Variants in MYH10 observed in about 807,000 individuals in gnomAD.
The protein encoded by MYH10 is myosin heavy chain 10.
MYH10 carries 55 observed loss-of-function variants against 257.8 expected under a neutral mutation model. The observed-to-expected ratio is 0.21, with a 90% CI of 0.17 to 0.27. MYH10 has a LOEUF of 0.27. MYH10 is among the 10% of genes least tolerant of loss of function. MYH10 has a pLI of 1.00. For missense variants in MYH10, 1,631 were observed against 2,500.6 expected (o/e 0.65, Z 7.42); for synonymous variants, 854 against 921.7 (o/e 0.93, Z 1.33).
At chr17:8,596,233 A>G (rs1009274579) in intron 3 of MYH10, among the ~76,000 whole-genome samples, 3 of 150,146 alleles carry the variant, frequency 2.0e-5, no homozygotes, top group African/African-American at 7.4e-5. Flanking sequence ...GCTCACTGAA[A>G]TCTCCGCCTC....
chr17:8,510,338 A>T (rs1257714970), intron 24 of MYH10, among the ~76,000 whole-genome samples: 3 of 152,148 alleles, frequency 2.0e-5, no homozygotes, highest in Non-Finnish European at 4.4e-5. Flanking sequence ...AAGGATATTT[A>T]AAAAAATATG....
chr17:8,508,777 G>T, intron 25 of MYH10, 100 bp from the exon 26 acceptor site: 1 of 1,427,136 alleles, frequency 7.0e-7, no homozygotes, highest in Non-Finnish European at 9.6e-7. Context: ...GAGAAAATAA[G>T]TTCTATCGGC....
chr17:8,498,085 C>T (rs909580697), intron 30 of MYH10, among the ~76,000 whole-genome samples: 30 of 142,216 alleles, frequency 2.1e-4, no homozygotes, highest in Admixed American at 6.1e-4. Flanking sequence ...TGGATTCAAG[C>T]GATTCTCCTG....
intron 26 of MYH10, among the ~76,000 whole-genome samples, chr17:8,507,248 T>C (rs1056659443): frequency 6.6e-6 from 1 of 152,248 alleles, no homozygotes; most frequent in Non-Finnish European, 1.5e-5. Context: ...CTCTTTTGTT[T>C]ATACTAAAAC....
In MYH10 at chr17:8,614,307, C is replaced by CTTTTTTTTT. The variant is rs35801623; in HGVS notation, c.345+8586_345+8594dup. Among the ~76,000 whole-genome samples the CTTTTTTTTT allele has an allele frequency of 2.7e-3, 207 of 77,130 alleles. 27 individuals are homozygous for CTTTTTTTTT. Among genetic ancestry groups the CTTTTTTTTT allele is most frequent in the Non-Finnish European group, 4.2e-3 (170 of 40,676 alleles). 50.6% of individuals were successfully genotyped at this position (77,130 alleles called of 152,430 possible). On this transcript the variant is annotated intron_variant, in intron 2 of 42. Coordinates refer to ENST00000360416, the MANE Select transcript of MYH10 (RefSeq NM_001256012.3). ...GATTTAGAAAGTAAGCAATTCACTT[C>CTTTTTTTTT]TTTTTTTTTTTTTTTTTTTTTTTTT...
intron 2 of MYH10, among the ~76,000 whole-genome samples, chr17:8,619,519 A>T (rs1236747902): frequency 6.6e-6 from 1 of 152,220 alleles, no homozygotes; most frequent in African/African-American, 2.4e-5. Flanking sequence ...ACTGAGTTAC[A>T]TCAACGTAAA....
intron 11 of MYH10, among the ~76,000 whole-genome samples, 169 bp from the exon 12 acceptor site, chr17:8,546,831 T>C (rs7223040): frequency 0.96 from 146,829 of 152,304 alleles, 71,016 homozygotes; most frequent in East Asian, 1. Context: ...CCTTCCATCT[T>C]TTCAAATTAA....
chr17:8,486,798 A>G (rs999975369), intron 36 of MYH10, among the ~76,000 whole-genome samples: 1 of 152,186 alleles, frequency 6.6e-6, no homozygotes, highest in Non-Finnish European at 1.5e-5. Flanking sequence ...TTAGCAGTCC[A>G]TTGACATTTA....
At chr17:8,555,041 T>G (rs1331036041) in intron 7 of MYH10, among the ~76,000 whole-genome samples, 1 of 150,684 alleles carries the variant, frequency 6.6e-6, no homozygotes, top group Non-Finnish European at 1.5e-5. Flanking sequence ...GAGGCGGAGG[T>G]TGCAGTGAGC....
At chr17:8,585,982 C>G (rs1015798018) in intron 4 of MYH10, among the ~76,000 whole-genome samples, 2 of 152,168 alleles carry the variant, frequency 1.3e-5, no homozygotes, top group South Asian at 4.1e-4. Context: ...ATGAAAATCA[C>G]TTTAAACTGA....
chr17:8,605,920 T>A (rs1208499621), intron 2 of MYH10, among the ~76,000 whole-genome samples: 1 of 152,194 alleles, frequency 6.6e-6, no homozygotes, highest in African/African-American at 2.4e-5. Context: ...TAAAGAGATT[T>A]GTAAAAATGT....
At chr17:8,583,302 C>T (rs755067546) in intron 4 of MYH10, among the ~76,000 whole-genome samples, 57 of 152,062 alleles carry the variant, frequency 3.7e-4, no homozygotes, top group Non-Finnish European at 7.2e-4. Context: ...TAGATGTCAT[C>T]GAAAGTGAGA....
In MYH10 at chr17:8,492,758, G is replaced by A. The variant is rs184878556; in HGVS notation, c.4458+18C>T. The A allele has an allele frequency of 1.2e-4, 187 of 1,608,876 alleles. 1 individual carries two copies. The East Asian group carries it at 2.3e-3, about 20-fold the overall frequency. On this transcript the variant is annotated intron_variant, in intron 33 of 42. Transcript: ENST00000360416. ...AGCAAGAGCTCTGCCAGGAGGAAAC[G>A]ACACGTGGCCGACCCACCTGGTCAA...
intron 37 of MYH10, among the ~76,000 whole-genome samples, chr17:8,483,161 A>G (rs1318199105): frequency 3.3e-5 from 5 of 152,240 alleles, no homozygotes; most frequent in African/African-American, 1.2e-4. Flanking sequence ...AAAATTTAGA[A>G]TTACATGACA....
chr17:8,476,968 T>C lies in MYH10; in HGVS notation c.5787A>G (p.Ala1929=). The C allele has an allele frequency of 6.2e-7, 1 of 1,614,160 alleles. No homozygotes were observed. Among genetic ancestry groups the C allele is most frequent in the Non-Finnish European group, 8.5e-7 (1 of 1,180,046 alleles). The change falls in exon 42 of 43, where the codon GCA becomes GCG. Residue 1929 remains alanine, a synonymous_variant. Coordinates refer to ENST00000360416, the MANE Select transcript of MYH10 (RefSeq NM_001256012.3). The part of the protein sequence containing the change: ...EAEEEATRAN[A]SRRKLQRELD... ...GTTCCCGCTGGAGTTTACGCCGAGA[T>C]GCGTTGGCACGCGTCGCTTCTTCTT... is the stretch of plus-strand genomic sequence containing the variant.
At position 8,552,484 on chromosome 17, in the gene MYH10, A is replaced by G. The variant is rs2082671367; in HGVS notation, c.821-340T>C. Among the ~76,000 whole-genome samples, 1 of 152,224 alleles carries G rather than the reference A, an allele frequency of 6.6e-6. No individual in the cohort carries two copies. The highest frequency in any genetic ancestry group is 2.1e-4 in the South Asian group (1 of 4,832). ...ACTATACGAGGAACTGTAAGAAGCT[A>G]TTGAAAATGAAGTACAGTTGTTTAA... On this transcript the variant is annotated intron_variant, in intron 8 of 42. Coordinates refer to ENST00000360416, the MANE Select transcript of MYH10 (RefSeq NM_001256012.3). The surrounding 1 kb of genome is among the most constrained non-coding windows in gnomAD (Gnocchi z 4.8).
At chr17:8,493,227 T>G (rs2151821842) in intron 32 of MYH10, among the ~76,000 whole-genome samples, 1 of 152,014 alleles carries the variant, frequency 6.6e-6, no homozygotes, top group African/African-American at 2.4e-5. Flanking sequence ...GTCTGTAGTC[T>G]CGGCTACTGG....
chr17:8,566,773 T>C (rs1285229316), intron 7 of MYH10, among the ~76,000 whole-genome samples: 2 of 152,218 alleles, frequency 1.3e-5, no homozygotes, highest in Non-Finnish European at 2.9e-5. Context: ...TGATAACTAA[T>C]ATAGAATTAT....
At chr17:8,568,338 G>A (rs1322749494) in intron 7 of MYH10, among the ~76,000 whole-genome samples, 3 of 152,124 alleles carry the variant, frequency 2.0e-5, no homozygotes, top group Non-Finnish European at 4.4e-5. Flanking sequence ...CGCAGCCCTA[G>A]TGAACTAATC....
Sources: gnomAD v4.1 joint callset for allele counts (sites outside exome capture counted in the v4.1 genomes callset) on GRCh38, gnomAD v4.1.1 for gene constraint, Gnocchi (gnomAD v3.1) non-coding constraint, MANE v1.5 for transcripts, NCBI Gene and HGNC (gene_info 2026-07-23, HGNC 2026-07-21) for gene names.